The following CAMK2G variants were observed in gnomAD, a reference collection of about 807,000 sequenced individuals.
The protein encoded by CAMK2G is calcium/calmodulin dependent protein kinase II gamma.
CAMK2G carries 23 observed loss-of-function variants against 88.7 expected under a neutral mutation model. The ratio of observed to expected loss-of-function variants is 0.26; its 90% confidence interval spans 0.19 to 0.37. The LOEUF is 0.37. Among genes scored for constraint, CAMK2G ranks in the 10% least tolerant of loss-of-function variants. The pLI is 1.00. For synonymous variants in CAMK2G, 263 were observed against 294.8 expected, an observed-to-expected ratio of 0.89 and a Z score of 1.11; for missense variants, 476 against 780.8, an observed-to-expected ratio of 0.61 and a Z score of 4.65.
chr10:73,844,117 G>C (rs1157125530), intron 10 of CAMK2G, among the ~76,000 whole-genome samples: 1 of 150,306 alleles, frequency 6.7e-6, no homozygotes, highest in Non-Finnish European at 1.5e-5. Flanking sequence ...TTTTGAAACA[G>C]CATCTCACTC....
chr10:73,857,040 C>T (rs1274647169), intron 3 of CAMK2G, among the ~76,000 whole-genome samples: 2 of 151,532 alleles, frequency 1.3e-5, no homozygotes, highest in African/African-American at 2.4e-5. Context: ...GACTGAGCTG[C>T]CCCCCAAGAG....
At chr10:73,857,101 G>T (rs1167101970) in intron 3 of CAMK2G, among the ~76,000 whole-genome samples, 2 of 152,162 alleles carry the variant, frequency 1.3e-5, no homozygotes, top group Non-Finnish European at 2.9e-5. Flanking sequence ...AGGGATGTAG[G>T]AACTGCTCAG....
At chr10:73,862,309 C>T (rs1002561456) in intron 2 of CAMK2G, among the ~76,000 whole-genome samples, 3 of 139,336 alleles carry the variant, frequency 2.2e-5, no homozygotes, top group Admixed American at 7.0e-5. Context: ...CCCCCCCCCC[C>T]CCGATTTCCC....
In CAMK2G at chr10:73,842,515, C is replaced by A; in HGVS notation, c.846G>T (p.Met282Ile). The change falls in exon 11 of 23, where the codon ATG becomes ATT. Residue 282 changes from methionine to isoleucine, a missense_variant. Physicochemically the swap from Met to Ile is conservative, Grantham distance 10. Transcript: ENST00000423381. The surrounding 1 kb of genome is among the most constrained non-coding windows in gnomAD (Gnocchi z 4.6). ...VCQRSTVASM[M>I]HRQETVECLR... The stretch of plus-strand genomic sequence containing the variant: ...AACACTCCACAGTCTCCTGACGATG[C>A]ATCATGGATGCCACCGTGGATCGTT... 6.2e-7 allele frequency: 1 copy of A among 1,613,816 alleles called. No homozygotes were observed. Among genetic ancestry groups the A allele is most frequent in the Non-Finnish European group, 8.5e-7 (1 of 1,179,692 alleles).
At chr10:73,829,314 T>A (rs973963470) in intron 14 of CAMK2G, among the ~76,000 whole-genome samples, 3 of 105,200 alleles carry the variant, frequency 2.9e-5, no homozygotes, top group African/African-American at 1.0e-4. Context: ...TTATTTATTT[T>A]TAGGGAGTCT....
intron 4 of CAMK2G, chr10:73,852,958 G>T: frequency 1.7e-6 from 1 of 580,334 alleles, no homozygotes. Flanking sequence ...GCGTGCTGCT[G>T]AACAGAAGTG....
intron 3 of CAMK2G, among the ~76,000 whole-genome samples, chr10:73,857,936 A>C (rs1258151265): frequency 6.6e-6 from 1 of 152,242 alleles, no homozygotes; most frequent in African/African-American, 2.4e-5. Context: ...CGGAAAGTAC[A>C]GGGTGTTCCC....
intron 19 of CAMK2G, chr10:73,818,818 G>T (rs1230551091): frequency 6.6e-6 from 3 of 456,204 alleles, no homozygotes; most frequent in East Asian, 6.9e-5. Context: ...GGCGAAGAGG[G>T]TTGTGCTTAG....
At position 73,848,161 on chromosome 10, in the gene CAMK2G, G is replaced by C. The variant is rs574978946; in HGVS notation, c.602-79C>G. The C allele has an allele frequency of 7.0e-6, 6 of 861,480 alleles. No individual in the cohort carries two copies. The highest frequency in any genetic ancestry group is 2.2e-4 in the Middle Eastern group (1 of 4,526). 53.4% of individuals were successfully genotyped at this position (861,480 alleles called of 1,614,324 possible). A position where few individuals can be genotyped will look rare whatever the true frequency, so the allele number is the denominator to read the frequency against. Reference sequence around the variant, plus strand: ...ACCAAGAAAAACCATGCAGGGCTCAGAGCCACCTAGAAAGGCAGGGGCCAT... The same window carrying C: ...ACCAAGAAAAACCATGCAGGGCTCACAGCCACCTAGAAAGGCAGGGGCCAT... On this transcript the variant is annotated intron_variant, in intron 8 of 22. Coordinates refer to ENST00000423381, the MANE Select transcript of CAMK2G (RefSeq NM_001367534.1). The surrounding 1 kb of genome is among the most constrained non-coding windows in gnomAD (Gnocchi z 4.5).
intron 14 of CAMK2G, among the ~76,000 whole-genome samples, chr10:73,835,017 C>T (rs1333024273): frequency 6.6e-6 from 1 of 152,170 alleles, no homozygotes; most frequent in Non-Finnish European, 1.5e-5. Flanking sequence ...CACATGCGCT[C>T]TTCCCTCTGC....
At chr10:73,841,456 A>AATATT (rs1439157763) in intron 12 of CAMK2G, among the ~76,000 whole-genome samples, 2 of 152,180 alleles carry the variant, frequency 1.3e-5, no homozygotes, top group African/African-American at 2.4e-5. Flanking sequence ...TGTGCTTCCC[A>AATATT]ATTGAAGGCA....
At chr10:73,829,148 G>T (rs943740151) in intron 14 of CAMK2G, among the ~76,000 whole-genome samples, 1 of 152,012 alleles carries the variant, frequency 6.6e-6, no homozygotes, top group Non-Finnish European at 1.5e-5. Flanking sequence ...GGCATTTTCA[G>T]GGATTATTAT....
intron 10 of CAMK2G, among the ~76,000 whole-genome samples, chr10:73,843,756 G>A (rs2094000780): frequency 1.3e-5 from 2 of 152,100 alleles, no homozygotes; most frequent in African/African-American, 4.8e-5. Flanking sequence ...CAGGTCCGGA[G>A]GCAACTCTCC....
chr10:73,827,749 G>A (rs2091432773), intron 15 of CAMK2G, among the ~76,000 whole-genome samples: 1 of 152,212 alleles, frequency 6.6e-6, no homozygotes, highest in African/African-American at 2.4e-5. Context: ...CCTCATGCCT[G>A]GGAAGCAGGG....
rs562569739 is a variant in CAMK2G, at chr10:73,816,434, C to T, written c.1534+589G>A. 254 of 1,059,336 alleles carry T rather than the reference C, an allele frequency of 2.4e-4. 1 individual carries two copies. In the South Asian group the frequency reaches 4.8e-3, roughly 20 times the overall value. The allele number at this position is 1,059,336 out of a possible 1,614,324, so 65.6% of individuals were successfully genotyped here. On this transcript the variant is annotated intron_variant, in intron 21 of 22. Coordinates refer to ENST00000423381, the MANE Select transcript of CAMK2G (RefSeq NM_001367534.1). ...AATCTCAAAGGGTTTCCTTCCAATC[C>T]GTCTTGGAAAGAGGTGAGGCTTAAA...
At chr10:73,820,553 G>A (rs1238195993) in intron 18 of CAMK2G, among the ~76,000 whole-genome samples, 2 of 134,924 alleles carry the variant, frequency 1.5e-5, no homozygotes, top group Non-Finnish European at 3.1e-5. Context: ...CTGGAGTGCA[G>A]TGGTGCAATC....
chr10:73,814,581 G>A (rs146560438), intron 22 of CAMK2G, 76 bp from the exon 23 acceptor site: 3 of 194,494 alleles, frequency 1.5e-5, no homozygotes, highest in East Asian at 1.2e-4. Context: ...ACTTTAGCAC[G>A]CTAAACACAT....
intron 3 of CAMK2G, among the ~76,000 whole-genome samples, chr10:73,855,335 T>TC (rs1409662767): frequency 6.6e-6 from 1 of 152,202 alleles, no homozygotes; most frequent in African/African-American, 2.4e-5. Context: ...ATACAAATAA[T>TC]CCCCTGGAAA....
Position 73,823,958 on chromosome 10 carries a change from T to C in CAMK2G, c.1200+82A>G, listed in dbSNP as rs563459024. The C allele has an allele frequency of 6.6e-6, 7 of 1,062,480 alleles. No homozygotes were observed. The East Asian group carries it at 7.1e-5, about 11-fold the overall frequency. The allele number at this position is 1,062,480 out of a possible 1,614,324, so 65.8% of individuals were successfully genotyped here. On this transcript the variant is annotated intron_variant, in intron 17 of 22. Transcript: ENST00000423381. ...CTCTGCAAACACCTTGGCCTCAGGG[T>C]GCAGCCTGTAGACCCCTGGGACCCA...
Sources: allele counts gnomAD v4.1 joint callset (sites outside exome capture counted in the v4.1 genomes callset), GRCh38; gene constraint gnomAD v4.1.1; non-coding constraint Gnocchi (gnomAD v3.1); transcripts MANE v1.5; gene names NCBI Gene and HGNC (gene_info 2026-07-23, HGNC 2026-07-21).